The following ADNP variants were observed in gnomAD, a reference collection of about 807,000 sequenced individuals.
The protein encoded by ADNP is activity dependent neuroprotector homeobox.
In ADNP, 4 loss-of-function variants were observed where a neutral mutation model predicts 84.9. That is an observed-to-expected ratio of 0.05 (90% CI 0.02 to 0.11). The LOEUF (loss-of-function observed/expected upper bound fraction) is 0.11. ADNP is among the 10% of genes least tolerant of loss of function. The pLI, the probability that ADNP is intolerant of heterozygous loss-of-function variation, is 1.00. For missense variants in ADNP, 1,132 were observed against 1,326.0 expected (o/e 0.85, Z 2.27); for synonymous variants, 554 against 468.1 (o/e 1.18, Z -2.37).
At chr20:50,903,741 G>A (rs1982210897) in intron 4 of ADNP, 148 bp downstream of exon 4, 1 of 631,724 alleles carries the variant, frequency 1.6e-6, no homozygotes, top group Non-Finnish European at 2.7e-6. Flanking sequence ...AAAGGCACAA[G>A]TTAATGCTAT....
At chr20:50,919,094 T>G (rs1263637712) in intron 2 of ADNP, among the ~76,000 whole-genome samples, 1 of 151,996 alleles carries the variant, frequency 6.6e-6, no homozygotes, top group Non-Finnish European at 1.5e-5. Context: ...TTATTATCAT[T>G]ACATATTATC....
At chr20:50,907,812 G>A (rs1348317068) in intron 2 of ADNP, among the ~76,000 whole-genome samples, 2 of 149,992 alleles carry the variant, frequency 1.3e-5, no homozygotes, top group South Asian at 2.1e-4. Flanking sequence ...TGCCCAAGCT[G>A]GTCCTGAACT....
chr20:50,899,176 T>C (rs1440977384), intron 5 of ADNP, among the ~76,000 whole-genome samples: 1 of 151,404 alleles, frequency 6.6e-6, no homozygotes, highest in Non-Finnish European at 1.5e-5. Flanking sequence ...GACTTAAGTA[T>C]GCAAGGATTT....
At position 50,893,671 on chromosome 20, in the gene ADNP, C is replaced by G; in HGVS notation, c.1043G>C (p.Arg348Thr). The change falls in exon 6 of 6, where the codon AGA becomes ACA. Residue 348 changes from arginine to threonine, a missense_variant. Transcript: ENST00000621696. This position sits in a 1 kb window ranked among gnomAD's most constrained non-coding sequence, Gnocchi z 4.4. ...GQGYSVGQSM[R>T]LGLGGNAPVS... ...TGGTGCGTTGCCACCTAGACCCAGT[C>G]TCATTGACTGACCAACACTGTAACC... 1.2e-6 allele frequency: 2 copies of G among 1,614,182 alleles called. No individual in the cohort carries two copies. Among genetic ancestry groups the G allele is most frequent in the Non-Finnish European group, 1.7e-6 (2 of 1,180,044 alleles).
At position 50,892,906 on chromosome 20, in the gene ADNP, A is replaced by T. The variant is rs149024089; in HGVS notation, c.1808T>A (p.Ile603Asn). The change falls in exon 6 of 6, where the codon ATC becomes AAC. Residue 603 changes from isoleucine (I) to asparagine (N), a missense_variant. This residue lies in a region of ADNP where 53 missense variants were observed against 39.8 expected (regional missense o/e 1.33). Coordinates refer to ENST00000621696, the MANE Select transcript of ADNP (RefSeq NM_001282531.3). ...AGCTTGAGGTGAACTTTTTACAGGG[A>T]TATCTGCCTTTTCCTGAACCTTTGG... is the stretch of plus-strand genomic sequence containing the variant. ...PQPKVQEKADIPVKSSPQAAV... is the reference protein window; with the variant it reads ...PQPKVQEKADNPVKSSPQAAV... The T allele has an allele frequency of 7.4e-6, 12 of 1,614,106 alleles. No homozygotes were observed. The highest frequency in any genetic ancestry group is 1.1e-5 in the South Asian group (1 of 91,094).
At position 50,916,379 on chromosome 20, in the gene ADNP, G is replaced by C. The variant is rs1600982567; in HGVS notation, c.-89-11530C>G. ...TCACAAGTTTATGCTTTACAACGCT[G>C]TGTAACCTGCCCATAGCTCTCAGGC... On this transcript the variant is annotated intron_variant, in intron 2 of 5. Coordinates refer to ENST00000621696, the MANE Select transcript of ADNP (RefSeq NM_001282531.3). Among the ~76,000 whole-genome samples, 6 of 152,316 alleles carry C rather than the reference G, an allele frequency of 3.9e-5. 1 individual carries two copies. Among genetic ancestry groups the C allele is most frequent in the Admixed American group, 3.9e-4 (6 of 15,290 alleles).
chr20:50,901,306 T>A lies in ADNP; in HGVS notation c.201+711A>T, dbSNP rs893846565. ...CATTCTAAGACTGCTGGTTAGTAAC[T>A]TTGCCTGGGGTATTTAAAAAAAAAA... On this transcript the variant is annotated intron_variant, in intron 5 of 5. Coordinates refer to ENST00000621696, the MANE Select transcript of ADNP (RefSeq NM_001282531.3). Among the ~76,000 whole-genome samples, 3 of 135,712 alleles carry A rather than the reference T, an allele frequency of 2.2e-5. No homozygotes were observed. In the South Asian group the frequency reaches 7.0e-4, roughly 32 times the overall value. The allele number at this position is 135,712 out of a possible 152,430, so 89.0% of individuals were successfully genotyped here. A position where few individuals can be genotyped will look rare whatever the true frequency, so the allele number is the denominator to read the frequency against.
intron 2 of ADNP, among the ~76,000 whole-genome samples, chr20:50,922,345 C>T (rs1249846812): frequency 6.6e-6 from 1 of 152,194 alleles, no homozygotes; most frequent in Non-Finnish European, 1.5e-5. Flanking sequence ...TCTGGGCCTC[C>T]AGAACTTCTG....
intron 2 of ADNP, among the ~76,000 whole-genome samples, chr20:50,910,635 T>C (rs1255673888): frequency 6.6e-6 from 1 of 152,146 alleles, no homozygotes; most frequent in Admixed American, 6.5e-5. Flanking sequence ...TGCCATCTGA[T>C]GAACTACATG....
chr20:50,907,829 C>CT (rs1982638140), intron 2 of ADNP, among the ~76,000 whole-genome samples: 1 of 150,814 alleles, frequency 6.6e-6, no homozygotes, highest in Non-Finnish European at 1.5e-5. Context: ...AACTCCTGAG[C>CT]TCAAGTGATC....
chr20:50,918,498 G>GA (rs200496188), intron 2 of ADNP, among the ~76,000 whole-genome samples: 14 of 150,462 alleles, frequency 9.3e-5, no homozygotes, highest in East Asian at 3.9e-4. Context: ...AGTACTTAAA[G>GA]AAAAAAAAAT....
At chr20:50,918,412 G>A (rs1273644954) in intron 2 of ADNP, among the ~76,000 whole-genome samples, 1 of 152,068 alleles carries the variant, frequency 6.6e-6, no homozygotes, top group Non-Finnish European at 1.5e-5. Context: ...CAAATTTCCA[G>A]ACCATTTTTG....
intron 2 of ADNP, among the ~76,000 whole-genome samples, chr20:50,905,995 G>A (rs1176909344): frequency 6.6e-6 from 1 of 152,152 alleles, no homozygotes; most frequent in African/African-American, 2.4e-5. Flanking sequence ...GGCAGATCAC[G>A]AGGTCAAGAG....
Position 50,893,648 on chromosome 20 carries a change from G to A in ADNP, c.1066C>T (p.Pro356Ser), listed in dbSNP as rs565881006. The A allele has an allele frequency of 1.9e-6, 3 of 1,614,160 alleles. No individual in the cohort carries two copies. Among genetic ancestry groups the A allele is most frequent in the African/African-American group, 1.3e-5 (1 of 75,032 alleles). ...SMRLGLGGNA[P>S]VSIPQQSQSV... is the part of the protein sequence containing the mutation. ...TGAGATTGTTGAGGAATGGAAACTG[G>A]TGCGTTGCCACCTAGACCCAGTCTC... is the stretch of plus-strand genomic sequence containing the variant. The change falls in exon 6 of 6, where the codon CCA becomes TCA. Residue 356 changes from proline (P) to serine (S), a missense_variant. Around this residue, in one of 10 missense-constraint regions of ADNP, gnomAD observed 239 missense variants for 213.2 expected, o/e 1.12. Coordinates refer to ENST00000621696, the MANE Select transcript of ADNP (RefSeq NM_001282531.3). This position sits in a 1 kb window ranked among gnomAD's most constrained non-coding sequence, Gnocchi z 4.4.
intron 2 of ADNP, among the ~76,000 whole-genome samples, chr20:50,926,876 A>C (rs1193091995): frequency 3.3e-5 from 5 of 152,140 alleles, no homozygotes; most frequent in Non-Finnish European, 7.4e-5. Flanking sequence ...TATCTTCCTT[A>C]TTAAGTTGCA....
intron 2 of ADNP, among the ~76,000 whole-genome samples, chr20:50,920,138 G>A (rs563318522): frequency 1.0e-4 from 15 of 149,004 alleles, no homozygotes; most frequent in African/African-American, 2.5e-4. Flanking sequence ...TTAGCCGGGC[G>A]TGGTGGTGTG....
At chr20:50,919,461 T>A (rs946319482) in intron 2 of ADNP, among the ~76,000 whole-genome samples, 3 of 152,090 alleles carry the variant, frequency 2.0e-5, no homozygotes, top group African/African-American at 4.8e-5. Context: ...GAACTTTGGT[T>A]TTTTTCCCTG....
chr20:50,914,884 T>C (rs997030438), intron 2 of ADNP, among the ~76,000 whole-genome samples: 2 of 152,206 alleles, frequency 1.3e-5, no homozygotes, highest in African/African-American at 4.8e-5. Context: ...ATTTTTGTGA[T>C]AGGAGGAATA....
intron 4 of ADNP, 45 bp downstream of exon 4, chr20:50,903,844 C>G (rs752597196): frequency 7.0e-7 from 1 of 1,438,002 alleles, no homozygotes; most frequent in Non-Finnish European, 9.7e-7. Flanking sequence ...AGTAATGGAT[C>G]AGAAGCTGAG....
Sources: gnomAD v4.1 joint callset for allele counts (sites outside exome capture counted in the v4.1 genomes callset) on GRCh38, gnomAD v4.1.1 for gene constraint, gnomAD v4.1.1 regional missense constraint, Gnocchi (gnomAD v3.1) non-coding constraint, MANE v1.5 for transcripts, NCBI Gene and HGNC (gene_info 2026-07-23, HGNC 2026-07-21) for gene names.